Variants in PTPRN2 observed in about 807,000 individuals in gnomAD.
The protein encoded by PTPRN2 is protein tyrosine phosphatase receptor type N2.
PTPRN2 carries 74 observed loss-of-function variants against 118.8 expected under a neutral mutation model. The observed-to-expected ratio is 0.62, with a 90% confidence interval of 0.52 to 0.76. PTPRN2 has a LOEUF of 0.76. Ranked by LOEUF, PTPRN2 falls within the 30% of genes least tolerant of loss-of-function variation. The probability of loss-of-function intolerance (pLI) is 0.00; values close to 1 mark genes in which losing one functional copy is unlikely to be tolerated. For synonymous variants in PTPRN2, 641 were observed against 608.0 expected (o/e 1.05, Z -0.80); for missense variants, 1,481 against 1,394.4 (o/e 1.06, Z -0.99).
At chr7:158,349,977 CT>C (rs1350208567) in intron 2 of PTPRN2, among the ~76,000 whole-genome samples, 2 of 152,154 alleles carry the variant, frequency 1.3e-5, no homozygotes, top group African/African-American at 4.8e-5. Context: ...ACGTGTTCCC[CT>C]TTGCAGACTA....
intron 6 of PTPRN2, among the ~76,000 whole-genome samples, chr7:158,150,018 T>G (rs55752453): frequency 0.21 from 32,184 of 152,142 alleles, 3,695 homozygotes; most frequent in Non-Finnish European, 0.26. Flanking sequence ...ACATCAGATT[T>G]AGGTGGCGTA....
At chr7:157,862,843 G>C (rs1810344874) in intron 12 of PTPRN2, 1 of 153,002 alleles carries the variant, frequency 6.5e-6, no homozygotes, top group Non-Finnish European at 1.5e-5. Context: ...AAGCGGCGAG[G>C]TGTGCGGGAA....
At chr7:158,430,990 CT>C (rs766219365) in intron 2 of PTPRN2, among the ~76,000 whole-genome samples, 2 of 152,170 alleles carry the variant, frequency 1.3e-5, no homozygotes, top group Non-Finnish European at 2.9e-5. Flanking sequence ...CCAGTCAGCC[CT>C]TGAGGGAGCT....
At chr7:158,547,672 C>T (rs1826379127) in intron 1 of PTPRN2, among the ~76,000 whole-genome samples, 1 of 152,186 alleles carries the variant, frequency 6.6e-6, no homozygotes, top group South Asian at 2.1e-4. Context: ...GGGAGGCACT[C>T]CTGGGTCTTC....
chr7:158,351,248 C>A (rs1278119253), intron 2 of PTPRN2, among the ~76,000 whole-genome samples: 2 of 152,144 alleles, frequency 1.3e-5, no homozygotes, highest in Non-Finnish European at 2.9e-5. Flanking sequence ...GAAGGAGGGT[C>A]CAGGAGGGGG....
intron 11 of PTPRN2, among the ~76,000 whole-genome samples, chr7:157,954,713 C>A (rs546351508): frequency 2.0e-5 from 3 of 152,254 alleles, no homozygotes; most frequent in Admixed American, 2.0e-4. Context: ...CCCTGCCGAG[C>A]CCCAGAAACC....
chr7:157,725,271 T>TCGCCTCCCA (rs1563041903), intron 12 of PTPRN2, among the ~76,000 whole-genome samples: 2 of 128,734 alleles, frequency 1.6e-5, no homozygotes, highest in African/African-American at 7.1e-5. Flanking sequence ...AGCCAGACCC[T>TCGCCTCCCA]GGCCTCCCAG....
chr7:158,156,636 G>A (rs1396295286), intron 6 of PTPRN2, among the ~76,000 whole-genome samples: 2 of 152,230 alleles, frequency 1.3e-5, no homozygotes, highest in African/African-American at 4.8e-5. Flanking sequence ...CAGACCCAAA[G>A]CAAACCAACT....
At chr7:158,329,752 C>T (rs1803991402) in intron 2 of PTPRN2, among the ~76,000 whole-genome samples, 1 of 152,184 alleles carries the variant, frequency 6.6e-6, no homozygotes, top group Admixed American at 6.5e-5. Context: ...GGTTAAGGAA[C>T]TTGCTCAGAG....
At chr7:158,334,391 CACTCTCACCATAAGAGGTGAAACCT>C in intron 2 of PTPRN2, among the ~76,000 whole-genome samples, 1 of 50,992 alleles carries the variant, frequency 2.0e-5, no homozygotes, top group African/African-American at 8.2e-5. Context: ...CTCACACCCA[CACTCTCACCATAAGAGGTGAAACCT>C]GCAGACGTCA....
In PTPRN2 at chr7:157,730,398, G is replaced by A. The variant is rs142304385; in HGVS notation, c.1789-47461C>T. Reference sequence around the variant, plus strand: ...AGGAGCCAAAACAGAGGAGGGTGTCGCAAGCGGCAGACATTTGAAAGCAGC... The same window carrying A: ...AGGAGCCAAAACAGAGGAGGGTGTCACAAGCGGCAGACATTTGAAAGCAGC... On this transcript the variant is annotated intron_variant, in intron 12 of 22. Coordinates refer to ENST00000389418, the MANE Select transcript of PTPRN2 (RefSeq NM_002847.5). 8.4e-3 allele frequency among the ~76,000 whole-genome samples: 1,276 copies of A among 152,332 alleles called. 8 individuals carry two copies. Among genetic ancestry groups the A allele is most frequent in the Non-Finnish European group, 0.011 (765 of 68,034 alleles).
rs369492427 is a variant in PTPRN2 at position 158,282,696 on chromosome 7, C to T, written c.277+34123G>A. Reference sequence around the variant, plus strand: ...CTCCTGGTGCTCCACACACAGCAGCCGGACAGACGGCTGATCCCTCCTCGT... The same window carrying T: ...CTCCTGGTGCTCCACACACAGCAGCTGGACAGACGGCTGATCCCTCCTCGT... On this transcript the variant is annotated intron_variant, in intron 3 of 22. Transcript: ENST00000389418. Among the ~76,000 whole-genome samples the T allele has an allele frequency of 6.6e-5, 10 of 150,642 alleles. 1 individual carries two copies. The South Asian group carries it at 1.9e-3, about 29-fold the overall frequency.
intron 12 of PTPRN2, among the ~76,000 whole-genome samples, chr7:157,691,066 G>GT (rs1472885033): frequency 2.4e-5 from 2 of 82,030 alleles, no homozygotes; most frequent in African/African-American, 8.9e-5. Flanking sequence ...CTATAGCGAT[G>GT]TCCCCCCCCC....
chr7:158,116,877 C>T (rs1816768859), intron 9 of PTPRN2, among the ~76,000 whole-genome samples: 1 of 152,154 alleles, frequency 6.6e-6, no homozygotes, highest in South Asian at 2.1e-4. Context: ...CACAAGTTTA[C>T]ACCTCAGGCT....
At chr7:157,985,832 C>T (rs557717520) in intron 11 of PTPRN2, among the ~76,000 whole-genome samples, 92 of 152,132 alleles carry the variant, frequency 6.0e-4, no homozygotes, top group African/African-American at 2.0e-3. Context: ...ACCTGGCTGA[C>T]GAGACCCGGC....
intron 12 of PTPRN2, among the ~76,000 whole-genome samples, chr7:157,836,581 G>A (rs1807942926): frequency 6.8e-6 from 1 of 146,872 alleles, no homozygotes; most frequent in Admixed American, 6.9e-5. Flanking sequence ...ATTTGATAAG[G>A]CACACATACA....
chr7:157,753,766 T>C (rs546616206), intron 12 of PTPRN2, among the ~76,000 whole-genome samples: 2 of 152,290 alleles, frequency 1.3e-5, no homozygotes, highest in Non-Finnish European at 2.9e-5. Context: ...GATCGTGGCA[T>C]GCGTGCATGG....
chr7:157,615,011 T>A lies in PTPRN2; in HGVS notation c.2344+6351A>T, dbSNP rs2150615310. ...TAGTTATAACGGGGCTGCAGCTACCTAGGAGAAGGCCCTTGTATTTAGGAC... is the reference window on the plus strand; with the variant it reads ...TAGTTATAACGGGGCTGCAGCTACCAAGGAGAAGGCCCTTGTATTTAGGAC... On this transcript the variant is annotated intron_variant, in intron 15 of 22. Transcript: ENST00000389418. This position sits in a 1 kb window ranked among gnomAD's most constrained non-coding sequence, Gnocchi z 4.3. 6.6e-6 allele frequency among the ~76,000 whole-genome samples: 1 copy of A among 152,338 alleles called. No individual in the cohort carries two copies. The highest frequency in any genetic ancestry group is 1.9e-4 in the East Asian group (1 of 5,186).
intron 2 of PTPRN2, among the ~76,000 whole-genome samples, chr7:158,449,355 G>A (rs553354859): frequency 8.5e-4 from 130 of 152,354 alleles, no homozygotes; most frequent in African/African-American, 2.9e-3. Flanking sequence ...TCCCGGAGCA[G>A]CAGCAGATAC....
Sources: allele counts gnomAD v4.1 joint callset (sites outside exome capture counted in the v4.1 genomes callset), GRCh38; gene constraint gnomAD v4.1.1; non-coding constraint Gnocchi (gnomAD v3.1); transcripts MANE v1.5; gene names NCBI Gene and HGNC (gene_info 2026-07-23, HGNC 2026-07-21).